The following ESRRG variants were observed in gnomAD, a reference collection of about 807,000 sequenced individuals.
ESRRG encodes estrogen related receptor gamma, also known as estrogen-related receptor gamma.
ESRRG carries 13 observed loss-of-function variants against 44.0 expected under a neutral mutation model. The observed-to-expected ratio is 0.30, with a 90% CI of 0.19 to 0.47. The LOEUF (loss-of-function observed/expected upper bound fraction) is 0.47. Ranked by LOEUF, ESRRG falls within the 20% of genes least tolerant of loss-of-function variation. The pLI, the probability that ESRRG is intolerant of heterozygous loss-of-function variation, is 1.00. For synonymous variants in ESRRG, 215 were observed against 214.6 expected (o/e 1.00, Z -0.02); for missense variants, 395 against 580.6 (o/e 0.68, Z 3.29).
At chr1:217,133,649 T>TTCTTTCTTTCTC (rs2093003166) in intron 1 of ESRRG, among the ~76,000 whole-genome samples, 1 of 33,816 alleles carries the variant, frequency 3.0e-5, no homozygotes, top group Admixed American at 2.7e-4. Flanking sequence ...CTCTCTCTCT[T>TTCTTTCTTTCTC]TCTTTCTTTC....
chr1:216,978,120 A>G (rs923415804), intron 1 of ESRRG, among the ~76,000 whole-genome samples: 61 of 152,206 alleles, frequency 4.0e-4, no homozygotes, highest in African/African-American at 1.4e-3. Context: ...ACATGGAAGA[A>G]TGGGGAAACT....
chr1:216,664,702 A>G (rs2073449287), intron 2 of ESRRG, among the ~76,000 whole-genome samples: 1 of 150,970 alleles, frequency 6.6e-6, no homozygotes, highest in Admixed American at 6.6e-5. Flanking sequence ...GAAAAAAAAA[A>G]AAAAACAGAA....
chr1:216,921,719 A>T (rs2061875869), intron 2 of ESRRG, among the ~76,000 whole-genome samples: 1 of 152,142 alleles, frequency 6.6e-6, no homozygotes, highest in Non-Finnish European at 1.5e-5. Flanking sequence ...AATACAATGA[A>T]TTTTTTAAAA....
In ESRRG at chr1:216,718,406, G is replaced by A. The variant is rs188437187; in HGVS notation, c.56+4838C>T. Among the ~76,000 whole-genome samples, 6 of 151,942 alleles carry A rather than the reference G, an allele frequency of 3.9e-5. No individual in the cohort carries two copies. The East Asian group carries it at 1.2e-3, about 29-fold the overall frequency. On this transcript the variant is annotated intron_variant, in intron 1 of 6. Coordinates refer to ENST00000408911, the MANE Select transcript of ESRRG (RefSeq NM_001438.4). The stretch of plus-strand genomic sequence containing the variant: ...CTTTGAGTTTTAAAGTACCATGTGT[G>A]TATTTATTTATTAATAATAGTATAG...
intron 1 of ESRRG, among the ~76,000 whole-genome samples, chr1:216,699,460 C>T (rs1165754986): frequency 6.6e-6 from 1 of 152,088 alleles, no homozygotes; most frequent in Non-Finnish European, 1.5e-5. Context: ...AACCAAATGA[C>T]CACAATCTTC....
chr1:216,990,404 AT>A (rs998205375), intron 1 of ESRRG, among the ~76,000 whole-genome samples: 2 of 152,222 alleles, frequency 1.3e-5, no homozygotes, highest in South Asian at 2.1e-4. Context: ...ATTTATATAT[AT>A]TTTTTAAACA....
chr1:216,676,896 T>G (rs7515047), intron 2 of ESRRG, among the ~76,000 whole-genome samples, 180 bp downstream of exon 2: 31,721 of 152,076 alleles, frequency 0.21, 4,240 homozygotes, highest in Non-Finnish European at 0.3. Flanking sequence ...AGATATGGAG[T>G]ATATCTGGGG....
At chr1:216,554,757 T>A (rs2057168415) in intron 5 of ESRRG, among the ~76,000 whole-genome samples, 1 of 152,184 alleles carries the variant, frequency 6.6e-6, no homozygotes, top group South Asian at 2.1e-4. Flanking sequence ...AATAAAAATG[T>A]GTAGTTAAAG....
chr1:216,746,607 T>A (rs139450253), intron 2 of ESRRG, among the ~76,000 whole-genome samples: 106 of 152,300 alleles, frequency 7.0e-4, no homozygotes, highest in African/African-American at 2.4e-3. Flanking sequence ...GATGTATTCA[T>A]TTTTAAAGGT....
At chr1:216,594,584 T>C (rs2058170541) in intron 3 of ESRRG, among the ~76,000 whole-genome samples, 1 of 152,172 alleles carries the variant, frequency 6.6e-6, no homozygotes, top group South Asian at 2.1e-4. Context: ...AACCAGCTAG[T>C]GAAATCTGAG....
chr1:216,920,009 C>A (rs190282751), intron 2 of ESRRG, among the ~76,000 whole-genome samples: 28 of 152,264 alleles, frequency 1.8e-4, no homozygotes, highest in Middle Eastern at 6.8e-3. Context: ...CACTACGATA[C>A]AAGAGAACAT....
intron 5 of ESRRG, among the ~76,000 whole-genome samples, chr1:216,563,604 G>A (rs571989347): frequency 6.5e-4 from 99 of 152,100 alleles, no homozygotes; most frequent in African/African-American, 2.3e-3. Flanking sequence ...AAACTTACAA[G>A]CATGTACATA....
At chr1:216,634,327 A>T (rs2064850358) in intron 3 of ESRRG, among the ~76,000 whole-genome samples, 1 of 152,222 alleles carries the variant, frequency 6.6e-6, no homozygotes, top group East Asian at 1.9e-4. Context: ...AAAGACTTGT[A>T]AATTCCCAAG....
At chr1:216,607,230 T>C (rs938027436) in intron 3 of ESRRG, among the ~76,000 whole-genome samples, 1 of 152,156 alleles carries the variant, frequency 6.6e-6, no homozygotes, top group Non-Finnish European at 1.5e-5. Context: ...TACACCCCCA[T>C]GACCCTGGCC....
chr1:216,762,696 A>G (rs1036296703), intron 2 of ESRRG, among the ~76,000 whole-genome samples: 1 of 151,884 alleles, frequency 6.6e-6, no homozygotes, highest in Non-Finnish European at 1.5e-5. Flanking sequence ...CCTAAAACTT[A>G]AAGTATAATA....
intron 2 of ESRRG, among the ~76,000 whole-genome samples, chr1:216,798,777 C>T (rs575974177): frequency 1.8e-4 from 28 of 152,118 alleles, no homozygotes; most frequent in Non-Finnish European, 3.5e-4. Context: ...ACTACACTCT[C>T]TTACCTTAGT....
intron 1 of ESRRG, among the ~76,000 whole-genome samples, chr1:217,067,698 T>A (rs958436206): frequency 6.6e-6 from 1 of 152,184 alleles, no homozygotes; most frequent in Non-Finnish European, 1.5e-5. Flanking sequence ...GTCTTAGAAT[T>A]AACCCAGGCC....
At chr1:216,589,960 TAGAG>T (rs2057376090) in intron 3 of ESRRG, among the ~76,000 whole-genome samples, 1 of 73,756 alleles carries the variant, frequency 1.4e-5, no homozygotes, top group East Asian at 3.3e-4. Context: ...GCCCACAAAA[TAGAG>T]AGAGTAAAAT....
chr1:216,639,039 G>C (rs2065865567), intron 3 of ESRRG, among the ~76,000 whole-genome samples: 1 of 152,076 alleles, frequency 6.6e-6, no homozygotes, highest in Admixed American at 6.6e-5. Flanking sequence ...CCATTTAATT[G>C]GCTTCAAATA....
Sources: allele counts gnomAD v4.1 joint callset (sites outside exome capture counted in the v4.1 genomes callset), GRCh38; gene constraint gnomAD v4.1.1; transcripts MANE v1.5; gene names NCBI Gene and HGNC (gene_info 2026-07-23, HGNC 2026-07-21).